GALNT2: variants seen among roughly 807,000 people sequenced by gnomAD.
The protein encoded by GALNT2 is polypeptide N-acetylgalactosaminyltransferase 2.
Under a neutral mutation model 81.4 loss-of-function variants are expected in GALNT2, and 31 were observed. The ratio of observed to expected loss-of-function variants is 0.38; its 90% CI spans 0.29 to 0.51. The LOEUF is 0.51. Among genes scored for constraint, GALNT2 ranks in the 20% least tolerant of loss-of-function variants. The probability of loss-of-function intolerance (pLI) is 0.87; values close to 1 mark genes in which losing one functional copy is unlikely to be tolerated. For missense variants in GALNT2, 629 were observed against 765.7 expected (o/e 0.82, Z 2.11); for synonymous variants, 303 against 287.4 (o/e 1.05, Z -0.55).
chr1:230,224,328 G>T (rs927433087), intron 3 of GALNT2, among the ~76,000 whole-genome samples: 4 of 152,200 alleles, frequency 2.6e-5, no homozygotes, highest in African/African-American at 9.7e-5. Flanking sequence ...AAGTTTAAAG[G>T]ACAATAATAA....
chr1:230,149,985 G>T (rs962952223), intron 1 of GALNT2, among the ~76,000 whole-genome samples: 4 of 152,162 alleles, frequency 2.6e-5, no homozygotes, highest in Non-Finnish European at 5.9e-5. Context: ...TCTCAGAAAC[G>T]CTTCTCAACA....
chr1:230,247,752 C>A (rs1299022536), intron 8 of GALNT2, among the ~76,000 whole-genome samples: 1 of 151,992 alleles, frequency 6.6e-6, no homozygotes, highest in African/African-American at 2.4e-5. Context: ...GCCACGTTCA[C>A]CCTAAGAGCA....
intron 3 of GALNT2, among the ~76,000 whole-genome samples, chr1:230,210,743 AT>A (rs1664208915): frequency 6.6e-6 from 1 of 152,174 alleles, no homozygotes; most frequent in Non-Finnish European, 1.5e-5. Context: ...TTAAGGGTGT[AT>A]TCTTTTATTT....
At chr1:230,192,720 A>G (rs1359892902) in intron 2 of GALNT2, among the ~76,000 whole-genome samples, 2 of 152,238 alleles carry the variant, frequency 1.3e-5, no homozygotes, top group Non-Finnish European at 2.9e-5. Flanking sequence ...AATGAAAACT[A>G]TTTCCTCTAT....
chr1:230,204,611 A>G (rs1442333487), intron 3 of GALNT2, among the ~76,000 whole-genome samples: 3 of 152,194 alleles, frequency 2.0e-5, no homozygotes, highest in Non-Finnish European at 4.4e-5. Flanking sequence ...TTGTTATCCC[A>G]TACCTGTAAG....
At position 230,233,892 on chromosome 1, in the gene GALNT2, AATG is replaced by A. The variant is rs1393807434; in HGVS notation, c.375-2118_375-2116del. Among the ~76,000 whole-genome samples, 18 of 152,084 alleles carry A rather than the reference AATG, an allele frequency of 1.2e-4. 1 individual carries two copies. The highest frequency in any genetic ancestry group is 2.5e-4 in the Non-Finnish European group (17 of 68,018). The stretch of plus-strand genomic sequence containing the variant: ...GGATGTAGGCAATTTTAGAAGAGTA[AATG>A]ATGTTTAGGGGAGATGATTAGGATG... On this transcript the variant is annotated intron_variant, in intron 3 of 15. Coordinates refer to ENST00000366672, the MANE Select transcript of GALNT2 (RefSeq NM_004481.5).
chr1:230,143,185 C>G (rs1661803190), intron 1 of GALNT2, among the ~76,000 whole-genome samples: 1 of 152,200 alleles, frequency 6.6e-6, no homozygotes, highest in African/African-American at 2.4e-5. Flanking sequence ...AATTGGGGTA[C>G]TGGGCACTGT....
chr1:230,121,948 C>CTTTTTTTTTTTTTTTT (rs11430880), intron 1 of GALNT2, among the ~76,000 whole-genome samples: 1 of 104,014 alleles, frequency 9.6e-6, no homozygotes. Context: ...TACTGTTATG[C>CTTTTTTTTTTTTTTTT]TTTTTTTTTT....
intron 3 of GALNT2, among the ~76,000 whole-genome samples, chr1:230,206,294 T>G (rs1664055468): frequency 6.6e-6 from 1 of 152,014 alleles, no homozygotes. Context: ...TTCAAAGTTT[T>G]TGAAATATGA....
At chr1:230,108,923 C>T (rs908120631) in intron 1 of GALNT2, among the ~76,000 whole-genome samples, 2 of 140,074 alleles carry the variant, frequency 1.4e-5, no homozygotes, top group Non-Finnish European at 3.1e-5. Flanking sequence ...ATTGCTTTCG[C>T]ACCATCGTGA....
At position 230,126,253 on chromosome 1, in the gene GALNT2, C is replaced by T. The variant is rs536709089; in HGVS notation, c.127-51965C>T. Among the ~76,000 whole-genome samples, 25 of 152,278 alleles carry T rather than the reference C, an allele frequency of 1.6e-4. 1 individual carries two copies. The South Asian group carries it at 5.2e-3, about 32-fold the overall frequency. On this transcript the variant is annotated intron_variant, in intron 1 of 15. Coordinates refer to ENST00000366672, the MANE Select transcript of GALNT2 (RefSeq NM_004481.5). ...GTGCTAGGAGAGGGCTGTAGGAACA[C>T]CCAGAGTGGAGACACAGGCAGGGCC...
At chr1:230,217,832 C>T (rs1664436794) in intron 3 of GALNT2, among the ~76,000 whole-genome samples, 1 of 152,162 alleles carries the variant, frequency 6.6e-6, no homozygotes, top group East Asian at 1.9e-4. Context: ...ATTCCTTTCA[C>T]AAAGGAAAAG....
chr1:230,231,780 A>T (rs923439847), intron 3 of GALNT2, among the ~76,000 whole-genome samples: 1 of 152,190 alleles, frequency 6.6e-6, no homozygotes, highest in Non-Finnish European at 1.5e-5. Context: ...ACCGAACAGG[A>T]AGTTTGCAGA....
intron 1 of GALNT2, among the ~76,000 whole-genome samples, chr1:230,127,031 C>T (rs992322069): frequency 4.6e-5 from 7 of 152,164 alleles, no homozygotes; most frequent in Non-Finnish European, 1.0e-4. Flanking sequence ...GAGCGTCTCC[C>T]CTCTTTTTTG....
chr1:230,067,328 G>A lies in GALNT2; in HGVS notation c.48G>A (p.Val16=). ...RMLLCFAFLW[V]LGIAYYMYSG... is the part of the protein sequence containing the mutation. ...TGCTCTGCTTCGCCTTCCTGTGGGT[G>A]CTGGGCATCGCCTACTACATGTACT... The change falls in exon 1 of 16, where the codon GTG becomes GTA. Residue 16 remains valine (V), a synonymous_variant. Transcript: ENST00000366672. 1.4e-6 allele frequency: 2 copies of A among 1,390,576 alleles called. No homozygotes were observed. Among genetic ancestry groups the A allele is most frequent in the South Asian group, 1.5e-5 (1 of 65,046 alleles). The allele number at this position is 1,390,576 out of a possible 1,614,324, so 86.1% of individuals were successfully genotyped here.
chr1:230,222,277 C>T lies in GALNT2; in HGVS notation c.375-13737C>T, dbSNP rs549379994. ...TCCTGACCTCGTGATCCGCCCGCCT[C>T]GGCCTCCCTGCTTTTCTCTTTAATG... On this transcript the variant is annotated intron_variant, in intron 3 of 15. Transcript: ENST00000366672. Among the ~76,000 whole-genome samples, 17 of 152,148 alleles carry T rather than the reference C, an allele frequency of 1.1e-4. No individual in the cohort carries two copies. In the South Asian group the frequency reaches 1.9e-3, roughly 17 times the overall value.
At chr1:230,133,274 G>A (rs1225877336) in intron 1 of GALNT2, among the ~76,000 whole-genome samples, 1 of 152,152 alleles carries the variant, frequency 6.6e-6, no homozygotes, top group African/African-American at 2.4e-5. Context: ...CAGAGAGTTT[G>A]AACATTTTTA....
At chr1:230,067,936 G>A (rs1335510093) in intron 1 of GALNT2, among the ~76,000 whole-genome samples, 2 of 152,094 alleles carry the variant, frequency 1.3e-5, no homozygotes, top group African/African-American at 4.8e-5. Flanking sequence ...CTTTACCTTT[G>A]GGGGGCAGGG....
chr1:230,265,361 A>G lies in GALNT2; in HGVS notation c.1434A>G (p.Gly478=). ...VGVYECHNAG[G]NQEWALTKEK... is the part of the protein sequence containing the mutation. ...TTTATGAATGTCACAATGCTGGGGG[A>G]AACCAGGTATGTGCATGGGGAAGCC... Residue 478 remains glycine (G), a synonymous_variant, in exon 14 of 16, where the codon GGA becomes GGG. Transcript: ENST00000366672. 6.2e-7 allele frequency: 1 copy of G among 1,614,122 alleles called. No individual in the cohort carries two copies. Among genetic ancestry groups the G allele is most frequent in the Middle Eastern group, 1.7e-4 (1 of 6,060 alleles).
Sources: gnomAD v4.1 joint callset for allele counts (sites outside exome capture counted in the v4.1 genomes callset) on GRCh38, gnomAD v4.1.1 for gene constraint, MANE v1.5 for transcripts, NCBI Gene and HGNC (gene_info 2026-07-23, HGNC 2026-07-21) for gene names.